VSTM4: variants seen among roughly 807,000 people sequenced by gnomAD.
The protein encoded by VSTM4 is V-set and transmembrane domain containing 4, also known as V-set and transmembrane domain-containing protein 4.
A neutral mutation model predicts 36.4 loss-of-function variants in VSTM4; 20 were observed. That is an observed-to-expected ratio of 0.55 (90% CI 0.39 to 0.80). The LOEUF (loss-of-function observed/expected upper bound fraction) is 0.80, where lower values mean the gene tolerates loss of function less well. Ranked by LOEUF, VSTM4 falls within the 30% of genes least tolerant of loss-of-function variation. The pLI is 0.00. For synonymous variants in VSTM4, 182 were observed against 173.9 expected, an observed-to-expected ratio of 1.05 and a Z score of -0.37; for missense variants, 392 against 404.5, an observed-to-expected ratio of 0.97 and a Z score of 0.26.
At chr10:49,027,613 A>T (rs990634644) in intron 7 of VSTM4, among the ~76,000 whole-genome samples, 6 of 152,130 alleles carry the variant, frequency 3.9e-5, no homozygotes, top group Admixed American at 6.5e-5. Context: ...CCTTCCCTCC[A>T]GCCCGACCCC....
chr10:49,091,306 C>T (rs536303742), intron 2 of VSTM4, among the ~76,000 whole-genome samples: 1 of 152,286 alleles, frequency 6.6e-6, no homozygotes, highest in East Asian at 1.9e-4. Context: ...ACTCTGGGGC[C>T]TCCCCAGGAG....
chr10:49,042,856 G>A (rs891690894), intron 7 of VSTM4, among the ~76,000 whole-genome samples: 3 of 152,172 alleles, frequency 2.0e-5, no homozygotes, highest in Admixed American at 2.0e-4. Context: ...AGGGTGGGTG[G>A]TGTTTTATAT....
intron 5 of VSTM4, among the ~76,000 whole-genome samples, chr10:49,051,053 A>G (rs1843689705): frequency 6.6e-6 from 1 of 152,332 alleles, no homozygotes; most frequent in East Asian, 1.9e-4. Context: ...ATTAGACATC[A>G]GTATCCCTCA....
Position 49,048,604 on chromosome 10 carries a change from C to T in VSTM4, c.669-20G>A. 1 of 1,567,146 alleles carries T rather than the reference C, an allele frequency of 6.4e-7. No homozygotes were observed. The highest frequency in any genetic ancestry group is 8.6e-7 in the Non-Finnish European group (1 of 1,164,070). On this transcript the variant is annotated intron_variant, in intron 5 of 7. Transcript: ENST00000332853. ...CCTGAGCTGTAGAAGAAAAAGTTTC[C>T]AGTGAAACCAAAGGCAGATTTGTTG...
At chr10:49,071,435 CA>C (rs1218089162) in intron 4 of VSTM4, among the ~76,000 whole-genome samples, 2 of 152,200 alleles carry the variant, frequency 1.3e-5, no homozygotes, top group Non-Finnish European at 2.9e-5. Flanking sequence ...GCGGGCACAA[CA>C]AAGAGCAAGG....
intron 2 of VSTM4, among the ~76,000 whole-genome samples, chr10:49,099,095 C>T (rs1382774300): frequency 1.3e-5 from 2 of 152,180 alleles, no homozygotes; most frequent in Non-Finnish European, 2.9e-5. Context: ...AATGAAGTTC[C>T]CAAAGCTGAC....
At chr10:49,097,268 G>A (rs1590128762) in intron 2 of VSTM4, among the ~76,000 whole-genome samples, 1 of 152,264 alleles carries the variant, frequency 6.6e-6, no homozygotes, top group African/African-American at 2.4e-5. Context: ...TTAAGGGTTC[G>A]CCCTGCCCCA....
intron 4 of VSTM4, among the ~76,000 whole-genome samples, chr10:49,070,253 A>T (rs1475874911): frequency 8.3e-6 from 1 of 120,950 alleles, no homozygotes; most frequent in African/African-American, 3.8e-5. Flanking sequence ...ACTCCGTCTC[A>T]AAAAAAAAAA....
intron 7 of VSTM4, among the ~76,000 whole-genome samples, chr10:49,044,244 C>G (rs1438064916): frequency 6.6e-6 from 1 of 152,092 alleles, no homozygotes; most frequent in Non-Finnish European, 1.5e-5. Flanking sequence ...ACAAGAATAA[C>G]TTGAACCAGG....
intron 7 of VSTM4, among the ~76,000 whole-genome samples, chr10:49,031,026 G>T (rs1459690117): frequency 6.6e-6 from 1 of 152,182 alleles, no homozygotes; most frequent in Admixed American, 6.5e-5. Flanking sequence ...TGAATTCCCA[G>T]CTGCCTTTCA....
At chr10:49,085,411 A>G (rs12269023) in intron 3 of VSTM4, among the ~76,000 whole-genome samples, 67,151 of 152,164 alleles carry the variant, frequency 0.44, 16,322 homozygotes, top group African/African-American at 0.65. Context: ...AAGGATTGCA[A>G]ACTGTTTCTA....
At chr10:49,050,681 C>T (rs1843683638) in intron 5 of VSTM4, among the ~76,000 whole-genome samples, 1 of 152,186 alleles carries the variant, frequency 6.6e-6, no homozygotes, top group Non-Finnish European at 1.5e-5. Flanking sequence ...GAATTGTTTA[C>T]ATATACAACC....
chr10:49,088,901 C>T lies in VSTM4; in HGVS notation c.458-2878G>A, dbSNP rs12248164. Among the ~76,000 whole-genome samples, 919 of 152,330 alleles carry T rather than the reference C, an allele frequency of 6.0e-3. 8 individuals carry two copies. Among genetic ancestry groups the T allele is most frequent in the African/African-American group, 0.021 (868 of 41,568 alleles). ...CATGGTGTGGACCCTTACCACCCCA[C>T]ATGTGGTCCACGGGCCAGCAATGTC... On this transcript the variant is annotated intron_variant, in intron 2 of 7. Transcript: ENST00000332853.
intron 5 of VSTM4, among the ~76,000 whole-genome samples, chr10:49,056,639 C>T (rs1424960741): frequency 6.6e-6 from 1 of 152,252 alleles, no homozygotes; most frequent in Non-Finnish European, 1.5e-5. Context: ...AGACACAGCA[C>T]TTCCCAGAGA....
At chr10:49,073,048 G>A (rs925967086) in intron 4 of VSTM4, among the ~76,000 whole-genome samples, 72 of 152,242 alleles carry the variant, frequency 4.7e-4, no homozygotes, top group African/African-American at 1.6e-3. Flanking sequence ...CAGGAAGGAA[G>A]TCTTGACCAC....
chr10:49,075,770 G>A (rs777422948), intron 4 of VSTM4, among the ~76,000 whole-genome samples: 1 of 152,150 alleles, frequency 6.6e-6, no homozygotes, highest in Non-Finnish European at 1.5e-5. Flanking sequence ...CTGGATCCCC[G>A]TCCACCTTTG....
chr10:49,098,966 T>C (rs1434091703), intron 2 of VSTM4, among the ~76,000 whole-genome samples: 2 of 152,266 alleles, frequency 1.3e-5, no homozygotes, highest in African/African-American at 4.8e-5. Flanking sequence ...TTTCTGGTGC[T>C]ATTTCTTCAC....
intron 4 of VSTM4, among the ~76,000 whole-genome samples, chr10:49,074,121 C>T (rs1013507649): frequency 2.0e-5 from 3 of 152,106 alleles, no homozygotes; most frequent in Non-Finnish European, 2.9e-5. Context: ...TTATTTCAAG[C>T]GTCAAATATA....
At chr10:49,070,253 A>C (rs1475874911) in intron 4 of VSTM4, among the ~76,000 whole-genome samples, 2 of 120,932 alleles carry the variant, frequency 1.7e-5, no homozygotes, top group African/African-American at 7.6e-5. Flanking sequence ...ACTCCGTCTC[A>C]AAAAAAAAAA....
Sources: gnomAD v4.1 joint callset for allele counts (sites outside exome capture counted in the v4.1 genomes callset) on GRCh38, gnomAD v4.1.1 for gene constraint, MANE v1.5 for transcripts, NCBI Gene and HGNC (gene_info 2026-07-23, HGNC 2026-07-21) for gene names.